Variants in ZNRF2 observed in about 807,000 individuals in gnomAD.
ZNRF2 encodes zinc and ring finger 2.
A neutral mutation model predicts 20.4 loss-of-function variants in ZNRF2; 16 were observed. The ratio of observed to expected loss-of-function variants is 0.79; its 90% CI spans 0.53 to 1.19. The LOEUF is 1.19. ZNRF2 is among the 50% of genes most tolerant of loss of function. The probability of loss-of-function intolerance (pLI) is 0.00; values close to 1 mark genes in which losing one functional copy is unlikely to be tolerated. For synonymous variants in ZNRF2, 178 were observed against 144.9 expected (o/e 1.23, Z -1.64); for missense variants, 363 against 332.4 (o/e 1.09, Z -0.72).
intron 2 of ZNRF2, among the ~76,000 whole-genome samples, chr7:30,342,048 C>CT (rs755404064): frequency 0.028 from 3,743 of 132,596 alleles, 118 homozygotes; most frequent in African/African-American, 0.08. Flanking sequence ...TCAACCCCTG[C>CT]TTTTTTTTTT....
chr7:30,362,558 T>C (rs140373439), intron 4 of ZNRF2, 102 bp downstream of exon 4: 40 of 581,150 alleles, frequency 6.9e-5, no homozygotes, highest in African/African-American at 6.7e-4. Flanking sequence ...CATGAGTGTG[T>C]ATGTGTATGT....
At chr7:30,317,273 T>C (rs1168782375) in intron 1 of ZNRF2, among the ~76,000 whole-genome samples, 1 of 152,188 alleles carries the variant, frequency 6.6e-6, no homozygotes, top group Non-Finnish European at 1.5e-5. Flanking sequence ...CAGAATAATA[T>C]GCAATTTCTG....
chr7:30,359,604 A>G (rs543440747), intron 3 of ZNRF2, among the ~76,000 whole-genome samples: 1 of 152,272 alleles, frequency 6.6e-6, no homozygotes, highest in Non-Finnish European at 1.5e-5. Context: ...CCATCTCCCC[A>G]TGTTCTTACT....
chr7:30,303,972 G>A (rs1799158583), intron 1 of ZNRF2, among the ~76,000 whole-genome samples: 1 of 152,116 alleles, frequency 6.6e-6, no homozygotes, highest in African/African-American at 2.4e-5. Context: ...TGATTTTTCT[G>A]TCCCTTCCCC....
intron 3 of ZNRF2, among the ~76,000 whole-genome samples, chr7:30,357,816 A>G (rs1800064247): frequency 6.6e-6 from 1 of 152,236 alleles, no homozygotes; most frequent in East Asian, 1.9e-4. Context: ...AGAAGTAGAA[A>G]AAGATGGAAG....
intron 1 of ZNRF2, among the ~76,000 whole-genome samples, chr7:30,296,243 A>G (rs547107801): frequency 1.6e-4 from 24 of 152,370 alleles, no homozygotes; most frequent in Middle Eastern, 3.4e-3. Flanking sequence ...CCAAATAGGT[A>G]TAATATAGAT....
chr7:30,358,181 T>C (rs1583598262), intron 3 of ZNRF2, among the ~76,000 whole-genome samples: 1 of 152,160 alleles, frequency 6.6e-6, no homozygotes, highest in South Asian at 2.1e-4. Flanking sequence ...ACAATAAATA[T>C]TGGATAAATT....
In ZNRF2 at chr7:30,366,908, T is replaced by C. The variant is rs1800226549; in HGVS notation, c.*896T>C. On this transcript the variant is annotated 3_prime_UTR_variant, in exon 5 of 5. Coordinates refer to ENST00000323037, the MANE Select transcript of ZNRF2 (RefSeq NM_147128.4). ...GTTTTAACGGGTATCTTTTGTTTGTTCTTTTCACTTAATTATTTTATTGTG... is the reference window on the plus strand; with the variant it reads ...GTTTTAACGGGTATCTTTTGTTTGTCCTTTTCACTTAATTATTTTATTGTG... 1 of 152,598 alleles carries C rather than the reference T, an allele frequency of 6.6e-6. No homozygotes were observed. The highest frequency in any genetic ancestry group is 2.1e-4 in the South Asian group (1 of 4,836). The allele number at this position is 152,598 out of a possible 1,614,324, so 9.5% of individuals were successfully genotyped here.
chr7:30,325,318 A>G lies in ZNRF2; in HGVS notation c.565+1581A>G, dbSNP rs1236954342. ...AGGGTACCAGTAAACACTATAGCCA[A>G]TTGAAAGATTGGCTAAATTCAACAT... On this transcript the variant is annotated intron_variant, in intron 2 of 4. Coordinates refer to ENST00000323037, the MANE Select transcript of ZNRF2 (RefSeq NM_147128.4). Among the ~76,000 whole-genome samples the G allele has an allele frequency of 3.9e-5, 6 of 152,212 alleles. No homozygotes were observed. The South Asian group carries it at 1.0e-3, about 26-fold the overall frequency.
At chr7:30,337,510 G>C (rs2127951000) in intron 2 of ZNRF2, among the ~76,000 whole-genome samples, 1 of 152,254 alleles carries the variant, frequency 6.6e-6, no homozygotes, top group Non-Finnish European at 1.5e-5. Context: ...TTGCATTGTG[G>C]AAGAGGGAAC....
chr7:30,344,212 G>A (rs1245982841), intron 2 of ZNRF2, among the ~76,000 whole-genome samples: 1 of 150,758 alleles, frequency 6.6e-6, no homozygotes, highest in African/African-American at 2.4e-5. Flanking sequence ...GTGAGCCACT[G>A]CGCCCGGCCC....
In ZNRF2 at chr7:30,359,023, C is replaced by G. The variant is rs73687828; in HGVS notation, c.671+3190C>G. ...AATTGATTTGCCAGAGACGAAATTACAGTATAGGAGAGAAAGAATGAACTA... is the reference window on the plus strand; with the variant it reads ...AATTGATTTGCCAGAGACGAAATTAGAGTATAGGAGAGAAAGAATGAACTA... On this transcript the variant is annotated intron_variant, in intron 3 of 4. Transcript: ENST00000323037. 9.9e-3 allele frequency among the ~76,000 whole-genome samples: 1,507 copies of G among 152,090 alleles called. 23 individuals are homozygous for G. The highest frequency in any genetic ancestry group is 0.033 in the African/African-American group (1,380 of 41,468).
chr7:30,339,359 T>C (rs1315112986), intron 2 of ZNRF2, among the ~76,000 whole-genome samples: 1 of 152,250 alleles, frequency 6.6e-6, no homozygotes, highest in Non-Finnish European at 1.5e-5. Context: ...ATGTTCTGAA[T>C]GGTATTGCCT....
chr7:30,331,840 T>A (rs750778426), intron 2 of ZNRF2, among the ~76,000 whole-genome samples: 1 of 152,210 alleles, frequency 6.6e-6, no homozygotes, highest in Non-Finnish European at 1.5e-5. Flanking sequence ...TGTGTTAACA[T>A]TTCTAAAATG....
chr7:30,344,856 A>C (rs1430522914), intron 2 of ZNRF2, among the ~76,000 whole-genome samples: 1 of 152,206 alleles, frequency 6.6e-6, no homozygotes, highest in Admixed American at 6.5e-5. Context: ...TTAACTGGGT[A>C]TGAAATCTTT....
In ZNRF2 at chr7:30,285,298, G is replaced by T. The variant is rs1285982915; in HGVS notation, c.-60G>T. 9.5e-6 allele frequency: 10 copies of T among 1,048,350 alleles called. No individual in the cohort carries two copies. Among genetic ancestry groups the T allele is most frequent in the Non-Finnish European group, 1.0e-5 (9 of 871,798 alleles). The allele number at this position is 1,048,350 out of a possible 1,614,324, so 64.9% of individuals were successfully genotyped here. A position where few individuals can be genotyped will look rare whatever the true frequency, so the allele number is the denominator to read the frequency against. On this transcript the variant is annotated 5_prime_UTR_variant, in exon 1 of 5. Coordinates refer to ENST00000323037, the MANE Select transcript of ZNRF2 (RefSeq NM_147128.4). ...GCCCTGCCCTCTAGCTCCCGCGCTC[G>T]CTCCCGCCCTCCCGGCTCTCGGGGC...
intron 3 of ZNRF2, among the ~76,000 whole-genome samples, chr7:30,359,868 C>T (rs1800099595): frequency 6.6e-6 from 1 of 152,158 alleles, no homozygotes; most frequent in Admixed American, 6.5e-5. Context: ...ACTTTTCCCA[C>T]AAGCCCTGTT....
intron 1 of ZNRF2, among the ~76,000 whole-genome samples, chr7:30,302,474 ATAGTCTC>A (rs1799133860): frequency 6.6e-6 from 1 of 152,094 alleles, no homozygotes; most frequent in Non-Finnish European, 1.5e-5. Context: ...TAAGAAATGT[ATAGTCTC>A]TAGTGTCCAT....
chr7:30,307,478 G>C (rs1799229048), intron 1 of ZNRF2, among the ~76,000 whole-genome samples: 1 of 151,432 alleles, frequency 6.6e-6, no homozygotes, highest in Admixed American at 6.6e-5. Context: ...TAAGATGTTT[G>C]TTCTGTGTAC....
Sources: allele counts gnomAD v4.1 joint callset (sites outside exome capture counted in the v4.1 genomes callset), GRCh38; gene constraint gnomAD v4.1.1; transcripts MANE v1.5; gene names NCBI Gene and HGNC (gene_info 2026-07-23, HGNC 2026-07-21).